STXBP5L: variants seen among roughly 807,000 people sequenced by gnomAD.
The protein encoded by STXBP5L is syntaxin-binding protein 5-like.
A neutral mutation model predicts 144.5 loss-of-function variants in STXBP5L; 65 were observed. That is an observed-to-expected ratio of 0.45 (90% CI 0.37 to 0.55). STXBP5L has a LOEUF of 0.55. Ranked by LOEUF, STXBP5L falls within the 20% of genes least tolerant of loss-of-function variation. STXBP5L has a pLI of 0.00. For missense variants in STXBP5L, 1,298 were observed against 1,405.5 expected (o/e 0.92, Z 1.22); for synonymous variants, 505 against 469.6 (o/e 1.08, Z -0.97).
intron 3 of STXBP5L, among the ~76,000 whole-genome samples, chr3:120,984,537 C>A (rs1176416270): frequency 1.4e-5 from 2 of 146,990 alleles, no homozygotes; most frequent in Non-Finnish European, 3.0e-5. Flanking sequence ...TGGGGGGAAT[C>A]TTTAGGGTTT....
In STXBP5L at chr3:121,208,081, C is replaced by T. The variant is rs529659624; in HGVS notation, c.956+2080C>T. ...CACAATAGTAAAGACTTGGAACCAA[C>T]CCAAATGTCCATCAGTGATAGACTG... On this transcript the variant is annotated intron_variant, in intron 10 of 26. Coordinates refer to ENST00000471454, the MANE Select transcript of STXBP5L (RefSeq NM_001308330.2). Among the ~76,000 whole-genome samples, 4 of 152,248 alleles carry T rather than the reference C, an allele frequency of 2.6e-5. No individual in the cohort carries two copies. The East Asian group carries it at 7.7e-4, about 29-fold the overall frequency.
intron 7 of STXBP5L, among the ~76,000 whole-genome samples, chr3:121,139,722 A>G (rs2045413769): frequency 1.3e-5 from 2 of 152,098 alleles, no homozygotes; most frequent in South Asian, 4.1e-4. Context: ...GCAACCAGTC[A>G]GGATTAATTC....
At chr3:121,312,175 C>T (rs1004452065) in intron 19 of STXBP5L, among the ~76,000 whole-genome samples, 1 of 152,144 alleles carries the variant, frequency 6.6e-6, no homozygotes, top group East Asian at 1.9e-4. Flanking sequence ...TGCCTTACAC[C>T]TTATATAAAA....
At chr3:121,201,354 T>C (rs1164530100) in intron 9 of STXBP5L, among the ~76,000 whole-genome samples, 2 of 152,250 alleles carry the variant, frequency 1.3e-5, no homozygotes, top group Non-Finnish European at 1.5e-5. Flanking sequence ...GTTTTTTGCT[T>C]TCCATTTGCT....
chr3:121,368,059 T>C (rs1364337884), intron 20 of STXBP5L, among the ~76,000 whole-genome samples: 1 of 152,104 alleles, frequency 6.6e-6, no homozygotes, highest in African/African-American at 2.4e-5. Context: ...TATTCAAATA[T>C]TTTCTCTGCC....
intron 3 of STXBP5L, among the ~76,000 whole-genome samples, chr3:120,982,085 G>C (rs973330167): frequency 2.6e-5 from 4 of 152,190 alleles, no homozygotes; most frequent in African/African-American, 9.6e-5. Flanking sequence ...CCTCAACACT[G>C]TGGACTTCCA....
At chr3:121,102,785 T>C (rs981811847) in intron 5 of STXBP5L, among the ~76,000 whole-genome samples, 4 of 152,132 alleles carry the variant, frequency 2.6e-5, no homozygotes, top group African/African-American at 9.6e-5. Flanking sequence ...TGGTAGAACA[T>C]GTTTACAAAC....
intron 19 of STXBP5L, among the ~76,000 whole-genome samples, chr3:121,283,108 AAAGC>A (rs1381292748): frequency 6.6e-6 from 1 of 151,978 alleles, no homozygotes; most frequent in Admixed American, 6.6e-5. Context: ...ATTCTGTTAA[AAAGC>A]AGGTTGTTTA....
At chr3:121,360,705 C>T (rs2045687765) in intron 20 of STXBP5L, among the ~76,000 whole-genome samples, 1 of 152,034 alleles carries the variant, frequency 6.6e-6, no homozygotes, top group Admixed American at 6.6e-5. Context: ...TGTCCTCCTG[C>T]TTTTTAACTT....
intron 9 of STXBP5L, among the ~76,000 whole-genome samples, chr3:121,205,534 C>G (rs2048303133): frequency 6.6e-6 from 1 of 152,284 alleles, no homozygotes; most frequent in South Asian, 2.1e-4. Flanking sequence ...GGGACACATT[C>G]AAACCATAGC....
chr3:120,981,383 C>A (rs886435062), intron 3 of STXBP5L, among the ~76,000 whole-genome samples: 1 of 152,034 alleles, frequency 6.6e-6, no homozygotes, highest in Non-Finnish European at 1.5e-5. Flanking sequence ...AGGCTCTGCT[C>A]ATTTTTATTC....
chr3:121,175,125 T>C (rs1315397638), intron 9 of STXBP5L, among the ~76,000 whole-genome samples: 1 of 152,078 alleles, frequency 6.6e-6, no homozygotes, highest in Non-Finnish European at 1.5e-5. Flanking sequence ...ATTTAAACTA[T>C]ATGACATGTA....
At chr3:120,989,793 G>C (rs573583837) in intron 3 of STXBP5L, among the ~76,000 whole-genome samples, 15 of 152,142 alleles carry the variant, frequency 9.9e-5, no homozygotes, top group African/African-American at 2.9e-4. Context: ...TTTGTCACAA[G>C]TAATTTTTCT....
At chr3:120,974,746 C>G (rs996408214) in intron 3 of STXBP5L, among the ~76,000 whole-genome samples, 22 of 152,130 alleles carry the variant, frequency 1.4e-4, no homozygotes, top group Admixed American at 2.6e-4. Flanking sequence ...GATCCAGTTT[C>G]AGCTTTCTAC....
At chr3:121,036,570 T>G (rs1282325521) in intron 3 of STXBP5L, among the ~76,000 whole-genome samples, 1 of 152,148 alleles carries the variant, frequency 6.6e-6, no homozygotes, top group Non-Finnish European at 1.5e-5. Flanking sequence ...TTATCCTAGG[T>G]AGAAAGTATT....
At chr3:121,250,227 ATCT>A (rs1456725992) in intron 14 of STXBP5L, among the ~76,000 whole-genome samples, 6 of 151,888 alleles carry the variant, frequency 4.0e-5, no homozygotes, top group Non-Finnish European at 8.8e-5. Flanking sequence ...GAAGTATTTT[ATCT>A]TCTTCTATTT....
rs552361103 is a variant in STXBP5L, at chr3:121,260,043, G to A, written c.1958+875G>A. Among the ~76,000 whole-genome samples, 94 of 152,068 alleles carry A rather than the reference G, an allele frequency of 6.2e-4. 1 individual carries two copies. The South Asian group carries it at 0.019, about 31-fold the overall frequency. On this transcript the variant is annotated intron_variant, in intron 18 of 26. Coordinates refer to ENST00000471454, the MANE Select transcript of STXBP5L (RefSeq NM_001308330.2). ...GGTTGTAGCCCTCCACAGAGGTTGT[G>A]TCAAACTATACTCCCACCACCAATG...
chr3:121,106,283 G>A (rs547070075), intron 5 of STXBP5L, among the ~76,000 whole-genome samples: 13 of 152,230 alleles, frequency 8.5e-5, no homozygotes, highest in Admixed American at 2.6e-4. Flanking sequence ...TACATGTGAA[G>A]GACATCCAGG....
At chr3:121,093,424 C>T (rs1401947778) in intron 5 of STXBP5L, among the ~76,000 whole-genome samples, 4 of 152,100 alleles carry the variant, frequency 2.6e-5, no homozygotes, top group Non-Finnish European at 4.4e-5. Flanking sequence ...GGTTGGTAAG[C>T]TATTGATTAT....
Sources: allele counts gnomAD v4.1 joint callset (sites outside exome capture counted in the v4.1 genomes callset), GRCh38; gene constraint gnomAD v4.1.1; transcripts MANE v1.5; gene names NCBI Gene and HGNC (gene_info 2026-07-23, HGNC 2026-07-21).